Variants in TBC1D22A observed in about 807,000 individuals in gnomAD.
TBC1D22A encodes the protein putative GTPase activator.
A neutral mutation model predicts 60.2 loss-of-function variants in TBC1D22A; 38 were observed. That is an observed-to-expected ratio of 0.63 (90% CI 0.49 to 0.83). TBC1D22A has a LOEUF of 0.83. Ranked by LOEUF, TBC1D22A falls within the 40% of genes least tolerant of loss-of-function variation. The pLI, the probability that TBC1D22A is intolerant of heterozygous loss-of-function variation, is 0.00. For missense variants in TBC1D22A, 628 were observed against 701.0 expected (o/e 0.90, Z 1.18); for synonymous variants, 302 against 281.7 (o/e 1.07, Z -0.72).
chr22:46,927,883 G>A (rs956220306), intron 8 of TBC1D22A, among the ~76,000 whole-genome samples: 2 of 152,236 alleles, frequency 1.3e-5, no homozygotes, highest in Non-Finnish European at 2.9e-5. Flanking sequence ...TGCAACATTC[G>A]CACTCTGAAA....
At chr22:46,945,704 C>A (rs1217362396) in intron 8 of TBC1D22A, among the ~76,000 whole-genome samples, 1 of 152,164 alleles carries the variant, frequency 6.6e-6, no homozygotes, top group Non-Finnish European at 1.5e-5. Flanking sequence ...GAGCAGGGTT[C>A]CCCCCTGGTT....
chr22:46,886,765 C>A (rs2068140620), intron 5 of TBC1D22A, among the ~76,000 whole-genome samples: 1 of 152,162 alleles, frequency 6.6e-6, no homozygotes, highest in African/African-American at 2.4e-5. Flanking sequence ...TCTGTAAAGG[C>A]CTAGATAGTA....
intron 6 of TBC1D22A, among the ~76,000 whole-genome samples, chr22:46,893,297 C>T (rs1249064170): frequency 6.6e-6 from 1 of 152,180 alleles, no homozygotes; most frequent in Non-Finnish European, 1.5e-5. Context: ...TCAGTCAGCT[C>T]TCTTGTGGCC....
intron 4 of TBC1D22A, among the ~76,000 whole-genome samples, chr22:46,821,983 A>T (rs1381972968): frequency 6.6e-6 from 1 of 151,536 alleles, no homozygotes; most frequent in South Asian, 2.1e-4. Context: ...TATTTCATTA[A>T]TGTGGTCTTC....
At chr22:46,932,916 G>A (rs1404982641) in intron 8 of TBC1D22A, among the ~76,000 whole-genome samples, 1 of 151,972 alleles carries the variant, frequency 6.6e-6, no homozygotes, top group Non-Finnish European at 1.5e-5. Flanking sequence ...GTAGAGATGA[G>A]GTTTCACCAT....
Position 47,112,339 on chromosome 22 carries a change from C to T in TBC1D22A, c.1425+736C>T, listed in dbSNP as rs144572595. 5.3e-5 allele frequency among the ~76,000 whole-genome samples: 8 copies of T among 152,326 alleles called. No individual in the cohort carries two copies. In the East Asian group the frequency reaches 1.5e-3, roughly 29 times the overall value. ...GGCTCTGGGTGCAGCAAGGAAGACC[C>T]CAGCAGTGGGAAGCAGACCAGGCTC... On this transcript the variant is annotated intron_variant, in intron 12 of 12. Coordinates refer to ENST00000337137, the MANE Select transcript of TBC1D22A (RefSeq NM_014346.5).
At chr22:46,929,896 G>C (rs2071258609) in intron 8 of TBC1D22A, among the ~76,000 whole-genome samples, 1 of 152,182 alleles carries the variant, frequency 6.6e-6, no homozygotes, top group African/African-American at 2.4e-5. Context: ...TTTCCACACA[G>C]AACTCTGCTC....
intron 7 of TBC1D22A, among the ~76,000 whole-genome samples, chr22:46,897,862 G>A (rs975438158): frequency 6.6e-6 from 1 of 151,628 alleles, no homozygotes; most frequent in Non-Finnish European, 1.5e-5. Flanking sequence ...TTCAGTAAAG[G>A]CACGTTTAAA....
intron 11 of TBC1D22A, among the ~76,000 whole-genome samples, chr22:47,041,267 G>A (rs1383792300): frequency 1.3e-5 from 2 of 152,074 alleles, no homozygotes; most frequent in African/African-American, 2.4e-5. Flanking sequence ...ATCACTGCCC[G>A]CGCTCCTCAC....
At chr22:46,828,907 T>C (rs1450354607) in intron 4 of TBC1D22A, among the ~76,000 whole-genome samples, 1 of 152,224 alleles carries the variant, frequency 6.6e-6, no homozygotes, top group Non-Finnish European at 1.5e-5. Flanking sequence ...ATGGGTCTTA[T>C]TTCATACTTG....
chr22:47,069,822 CTGT>C (rs1214689998), intron 11 of TBC1D22A, among the ~76,000 whole-genome samples: 1 of 143,412 alleles, frequency 7.0e-6, no homozygotes, highest in East Asian at 2.1e-4. Flanking sequence ...CGGCTGTTCC[CTGT>C]TGTTTGGTTG....
At chr22:46,968,305 G>T (rs181161594) in intron 8 of TBC1D22A, among the ~76,000 whole-genome samples, 3 of 152,216 alleles carry the variant, frequency 2.0e-5, no homozygotes, top group African/African-American at 7.2e-5. Context: ...TCATGGCCAG[G>T]CTCTGCCACT....
intron 4 of TBC1D22A, among the ~76,000 whole-genome samples, chr22:46,875,049 C>G (rs1026755851): frequency 3.3e-5 from 5 of 152,216 alleles, no homozygotes; most frequent in East Asian, 1.9e-4. Flanking sequence ...AGCAGTTCCA[C>G]TCCTTCACAC....
rs1017686404 is a variant in TBC1D22A at position 47,080,624 on chromosome 22, A to AAT, written c.1330-30867_1330-30866dup. 8.5e-3 allele frequency among the ~76,000 whole-genome samples: 995 copies of AAT among 117,264 alleles called. 11 individuals are homozygous for AAT. The highest frequency in any genetic ancestry group is 0.027 in the African/African-American group (829 of 30,392). 76.9% of individuals were successfully genotyped at this position (117,264 alleles called of 152,430 possible). A position where few individuals can be genotyped will look rare whatever the true frequency, so the allele number is the denominator to read the frequency against. ...GGGGAGCTAACCATATACCTGTAAA[A>AAT]ATATATATATATATATATGAATGAA... On this transcript the variant is annotated intron_variant, in intron 11 of 12. Coordinates refer to ENST00000337137, the MANE Select transcript of TBC1D22A (RefSeq NM_014346.5).
intron 11 of TBC1D22A, among the ~76,000 whole-genome samples, chr22:47,104,807 T>G (rs2065566330): frequency 6.6e-6 from 1 of 152,160 alleles, no homozygotes; most frequent in Non-Finnish European, 1.5e-5. Flanking sequence ...TATCTTAACC[T>G]GGACATTTCC....
chr22:47,164,663 G>C (rs996676321), intron 12 of TBC1D22A, among the ~76,000 whole-genome samples: 1 of 152,224 alleles, frequency 6.6e-6, no homozygotes, highest in African/African-American at 2.4e-5. Flanking sequence ...GAAGGAAATG[G>C]CCTCATTCAG....
At chr22:46,909,329 C>T (rs2069730241) in intron 7 of TBC1D22A, among the ~76,000 whole-genome samples, 1 of 152,218 alleles carries the variant, frequency 6.6e-6, no homozygotes, top group South Asian at 2.1e-4. Context: ...CACTCACTCA[C>T]TCACACCCAG....
chr22:47,171,452 G>A (rs1025172460), intron 12 of TBC1D22A, among the ~76,000 whole-genome samples: 2 of 152,134 alleles, frequency 1.3e-5, no homozygotes, highest in African/African-American at 4.8e-5. Flanking sequence ...GCAAATTCTC[G>A]AGGACCAGAG....
chr22:47,128,821 G>A (rs902086719), intron 12 of TBC1D22A, among the ~76,000 whole-genome samples: 2 of 152,166 alleles, frequency 1.3e-5, no homozygotes, highest in African/African-American at 2.4e-5. Flanking sequence ...TACTGCGTCC[G>A]AGGCAGATGG....
Sources: allele counts gnomAD v4.1 joint callset (sites outside exome capture counted in the v4.1 genomes callset), GRCh38; gene constraint gnomAD v4.1.1; transcripts MANE v1.5; gene names NCBI Gene and HGNC (gene_info 2026-07-23, HGNC 2026-07-21).